DOCK10: variants seen among roughly 807,000 people sequenced by gnomAD.
DOCK10 encodes the protein dedicator of cytokinesis 10, also known as dedicator of cytokinesis protein 10.
DOCK10 carries 145 observed loss-of-function variants against 280.1 expected under a neutral mutation model. The observed-to-expected ratio is 0.52, with a 90% confidence interval of 0.45 to 0.59. DOCK10 has a LOEUF of 0.59. DOCK10 is among the 20% of genes least tolerant of loss of function. The pLI is 0.00. For missense variants in DOCK10, 2,368 were observed against 2,651.7 expected (o/e 0.89, Z 2.35); for synonymous variants, 915 against 942.2 (o/e 0.97, Z 0.53).
Position 224,854,947 on chromosome 2 carries a change from G to C in DOCK10, c.1888+16C>G, listed in dbSNP as rs1418085216. On this transcript the variant is annotated intron_variant, in intron 16 of 55. Coordinates refer to ENST00000258390, the MANE Select transcript of DOCK10 (RefSeq NM_014689.3). Reference sequence around the variant, plus strand: ...ATTCAAAACTCTGCAACCAAACCATGACATCATCATCATACTTGGATGCTC... The same window carrying C: ...ATTCAAAACTCTGCAACCAAACCATCACATCATCATCATACTTGGATGCTC... The C allele has an allele frequency of 6.3e-7, 1 of 1,587,368 alleles. No homozygotes were observed. The highest frequency in any genetic ancestry group is 8.6e-7 in the Non-Finnish European group (1 of 1,161,720).
intron 31 of DOCK10, among the ~76,000 whole-genome samples, chr2:224,812,829 G>A (rs1038284945): frequency 1.3e-5 from 2 of 152,162 alleles, no homozygotes; most frequent in African/African-American, 4.8e-5. Context: ...GCATCCCAGG[G>A]ATGAAGCCCA....
chr2:224,977,297 G>T (rs1705497842), intron 1 of DOCK10, among the ~76,000 whole-genome samples: 2 of 152,110 alleles, frequency 1.3e-5, no homozygotes, highest in South Asian at 4.1e-4. Flanking sequence ...TGTGAATCTG[G>T]TGTGTGGGTA....
intron 19 of DOCK10, among the ~76,000 whole-genome samples, chr2:224,846,664 T>C (rs910302764): frequency 1.3e-5 from 2 of 152,106 alleles, no homozygotes; most frequent in African/African-American, 4.8e-5. Flanking sequence ...ACCTAGATAA[T>C]TTTTGTATTT....
intron 1 of DOCK10, among the ~76,000 whole-genome samples, chr2:225,037,082 T>C (rs982107238): frequency 3.9e-5 from 6 of 152,246 alleles, no homozygotes; most frequent in Admixed American, 2.0e-4. Context: ...ACACAATGCA[T>C]TGAGGAATTT....
chr2:224,774,772 C>A, intron 52 of DOCK10, 133 bp downstream of exon 52: 1 of 796,150 alleles, frequency 1.3e-6, no homozygotes, highest in Non-Finnish European at 2.0e-6. Flanking sequence ...TCTTGGCAAA[C>A]ATTTCCCAGT....
intron 1 of DOCK10, among the ~76,000 whole-genome samples, chr2:225,017,065 T>C (rs1334871972): frequency 6.6e-6 from 1 of 150,382 alleles, no homozygotes; most frequent in Non-Finnish European, 1.5e-5. Flanking sequence ...GCCTCTTATA[T>C]TTTTAAGTGT....
chr2:224,897,252 G>A (rs1293105797), intron 3 of DOCK10, among the ~76,000 whole-genome samples: 1 of 151,796 alleles, frequency 6.6e-6, no homozygotes, highest in African/African-American at 2.4e-5. Context: ...GTTCTATTTT[G>A]TTTTATTTTA....
chr2:224,787,370 A>G lies in DOCK10; in HGVS notation c.5446T>C (p.Cys1816Arg). The change falls in exon 49 of 56, where the codon TGT (cysteine) becomes CGT (arginine). Residue 1816 changes from cysteine (C) to arginine (R), a missense_variant. Physicochemically the swap from Cys to Arg is radical, Grantham distance 180 (BLOSUM62 -3). Transcript: ENST00000258390. ...ENILVEQLYM[C>R]VEFLWKSERY... is the part of the protein sequence containing the mutation. The stretch of plus-strand genomic sequence containing the variant: ...TCAGACTTCCAGAGAAACTCCACAC[A>G]CATGTATAGCTGCTCCACCAGGATA... The G allele has an allele frequency of 6.2e-7, 1 of 1,614,016 alleles. No individual in the cohort carries two copies. Among genetic ancestry groups the G allele is most frequent in the Non-Finnish European group, 8.5e-7 (1 of 1,179,866 alleles).
chr2:224,908,721 T>A (rs1278661458), intron 3 of DOCK10, among the ~76,000 whole-genome samples: 1 of 152,180 alleles, frequency 6.6e-6, no homozygotes, highest in Non-Finnish European at 1.5e-5. Context: ...GGTCTTGAAC[T>A]CCTGAGATCA....
intron 30 of DOCK10, among the ~76,000 whole-genome samples, chr2:224,814,575 G>A (rs1255105485): frequency 6.6e-6 from 1 of 152,148 alleles, no homozygotes; most frequent in Non-Finnish European, 1.5e-5. Flanking sequence ...AGGCTGGAGT[G>A]CAGTAGCACA....
At chr2:224,768,922 C>G in intron 55 of DOCK10, 1 of 456,630 alleles carries the variant, frequency 2.2e-6, no homozygotes. Flanking sequence ...GGAACAGAAG[C>G]TGTATAAACA....
In DOCK10 at chr2:224,970,739, T is replaced by C. The variant is rs1705036040; in HGVS notation, c.124-39071A>G. On this transcript the variant is annotated intron_variant, in intron 1 of 55. Coordinates refer to ENST00000258390, the MANE Select transcript of DOCK10 (RefSeq NM_014689.3). The surrounding 1 kb of genome is among the most constrained non-coding windows in gnomAD (Gnocchi z 4.6). ...ACTCATTATCTCTGTATTTAATCCT[T>C]AAAGAAAAGTCAAAAAACTAGTTTG... 6.6e-6 allele frequency among the ~76,000 whole-genome samples: 1 copy of C among 152,218 alleles called. No individual in the cohort carries two copies. Among genetic ancestry groups the C allele is most frequent in the Non-Finnish European group, 1.5e-5 (1 of 68,040 alleles).
intron 1 of DOCK10, among the ~76,000 whole-genome samples, chr2:224,956,291 T>C (rs140375691): frequency 2.6e-5 from 4 of 152,350 alleles, no homozygotes; most frequent in African/African-American, 9.6e-5. Context: ...AGGAGCTCAG[T>C]AGCTCTCATT....
At chr2:224,797,297 T>C (rs1692650584) in intron 42 of DOCK10, among the ~76,000 whole-genome samples, 151 bp from the exon 43 acceptor site, 1 of 149,998 alleles carries the variant, frequency 6.7e-6, no homozygotes, top group African/African-American at 2.5e-5. Flanking sequence ...GTGAGGAGGA[T>C]AGAATTTGTT....
intron 1 of DOCK10, among the ~76,000 whole-genome samples, chr2:224,933,443 A>G (rs1186451151): frequency 6.6e-6 from 1 of 152,200 alleles, no homozygotes; most frequent in Non-Finnish European, 1.5e-5. Flanking sequence ...TGTAGGCCTC[A>G]GTAGTCTTTA....
At chr2:224,981,651 G>A (rs1432112542) in intron 1 of DOCK10, among the ~76,000 whole-genome samples, 3 of 152,180 alleles carry the variant, frequency 2.0e-5, no homozygotes, top group African/African-American at 4.8e-5. Flanking sequence ...GCAAGAAAAA[G>A]CTTTCTAATG....
chr2:224,921,112 A>AAAAT lies in DOCK10; in HGVS notation c.244-4329_244-4328insATTT. Among the ~76,000 whole-genome samples, 64 of 54,406 alleles carry AAAAT rather than the reference A, an allele frequency of 1.2e-3. 1 individual carries two copies. The highest frequency in any genetic ancestry group is 9.6e-3 in the African/African-American group (61 of 6,362). 35.7% of individuals were successfully genotyped at this position (54,406 alleles called of 152,430 possible). A position where few individuals can be genotyped will look rare whatever the true frequency, so the allele number is the denominator to read the frequency against. ...TCTATTAAAAAAAAAAAAAAAAAAA[A>AAAAT]ATATATATATATATATATATATAAT... On this transcript the variant is annotated intron_variant, in intron 2 of 55. Transcript: ENST00000258390.
At chr2:224,820,419 G>T (rs562292825) in intron 28 of DOCK10, among the ~76,000 whole-genome samples, 40 of 152,348 alleles carry the variant, frequency 2.6e-4, no homozygotes, top group Admixed American at 2.4e-3. Context: ...GGAGGCACTA[G>T]AGCAGGTGCC....
At chr2:224,929,089 C>A (rs762728471) in intron 2 of DOCK10, among the ~76,000 whole-genome samples, 1 of 152,168 alleles carries the variant, frequency 6.6e-6, no homozygotes, top group Non-Finnish European at 1.5e-5. Context: ...AGAGGCTTGT[C>A]CCTGGTCACC....
Sources: allele counts gnomAD v4.1 joint callset (sites outside exome capture counted in the v4.1 genomes callset), GRCh38; gene constraint gnomAD v4.1.1; non-coding constraint Gnocchi (gnomAD v3.1); transcripts MANE v1.5; gene names NCBI Gene and HGNC (gene_info 2026-07-23, HGNC 2026-07-21).